The following ATR variants were observed in gnomAD, a reference collection of about 807,000 sequenced individuals.
The protein encoded by ATR is ATR checkpoint kinase.
A neutral mutation model predicts 305.3 loss-of-function variants in ATR; 142 were observed. The observed-to-expected ratio is 0.47, with a 90% CI of 0.41 to 0.53. The LOEUF (loss-of-function observed/expected upper bound fraction) is 0.53. Ranked by LOEUF, ATR falls within the 20% of genes least tolerant of loss-of-function variation. ATR has a pLI of 0.00. For synonymous variants in ATR, 1,050 were observed against 1,068.1 expected (o/e 0.98, Z 0.33); for missense variants, 2,135 against 3,133.1 (o/e 0.68, Z 7.60).
chr3:142,507,719 C>T (rs1010739463), intron 28 of ATR, among the ~76,000 whole-genome samples: 3 of 152,136 alleles, frequency 2.0e-5, no homozygotes, highest in African/African-American at 7.2e-5. Flanking sequence ...CATCTCCCAC[C>T]CTATTCCACA....
At chr3:142,467,215 C>A (rs1392786828) in intron 39 of ATR, among the ~76,000 whole-genome samples, 1 of 152,008 alleles carries the variant, frequency 6.6e-6, no homozygotes. Flanking sequence ...CTTCTCTCTC[C>A]CTCCTTATAA....
intron 3 of ATR, among the ~76,000 whole-genome samples, chr3:142,565,841 GAAGA>G (rs2035052469): frequency 6.7e-6 from 1 of 148,854 alleles, no homozygotes; most frequent in Non-Finnish European, 1.5e-5. Flanking sequence ...CTCTGATCTA[GAAGA>G]AAGAGATTAC....
chr3:142,560,307 C>A lies in ATR; in HGVS notation c.1497G>T (p.Leu499=). 6.2e-7 allele frequency: 1 copy of A among 1,613,894 alleles called. No homozygotes were observed. Among genetic ancestry groups the A allele is most frequent in the South Asian group, 1.1e-5 (1 of 91,058 alleles). ...AACAATGAACAGTACACAGAGCAGT[C>A]AGTTGTAAGACAACAGCAATTCCTT... ...MLEGIAVVLQ[L]TALCTVHCSH... The change falls in exon 6 of 47, where the codon CTG becomes CTT. Residue 499 remains leucine (L), a synonymous_variant. Coordinates refer to ENST00000350721, the MANE Select transcript of ATR (RefSeq NM_001184.4).
chr3:142,524,010 T>C lies in ATR; in HGVS notation c.4135A>G (p.Lys1379Glu), dbSNP rs995962169. ...LDFSTTETQG[K>E]DFTFVTGVED... ...CTACTTACCACAAATGTAAAATCTT[T>C]TCCTTGAGTTTCAGTTGTTGAGAAA... The change falls in exon 22 of 47, where the codon AAA becomes GAA. Residue 1379 changes from lysine to glutamate, a missense_variant. Physicochemically the swap from Lys to Glu is moderately conservative, Grantham distance 56. Coordinates refer to ENST00000350721, the MANE Select transcript of ATR (RefSeq NM_001184.4). The C allele has an allele frequency of 1.2e-6, 2 of 1,613,942 alleles. No homozygotes were observed. The highest frequency in any genetic ancestry group is 2.7e-5 in the African/African-American group (2 of 74,930).
intron 46 of ATR, chr3:142,452,035 T>C: frequency 9.6e-7 from 1 of 1,039,946 alleles, no homozygotes; most frequent in Non-Finnish European, 1.2e-6. Flanking sequence ...CTGGAAATAT[T>C]AATCTCACCC....
chr3:142,523,441 C>G (rs1000637246), intron 22 of ATR, among the ~76,000 whole-genome samples: 11 of 152,016 alleles, frequency 7.2e-5, no homozygotes, highest in African/African-American at 2.7e-4. Flanking sequence ...AAAATGTATA[C>G]ATAGCATCTC....
At chr3:142,546,566 G>A (rs1320407882) in intron 16 of ATR, among the ~76,000 whole-genome samples, 2 of 152,112 alleles carry the variant, frequency 1.3e-5, no homozygotes, top group Non-Finnish European at 2.9e-5. Flanking sequence ...CATTAAAGGA[G>A]AGAATGATGA....
At chr3:142,452,161 G>C in intron 46 of ATR, 4 of 1,014,728 alleles carry the variant, frequency 3.9e-6, no homozygotes, top group Non-Finnish European at 4.7e-6. Context: ...TGACATGAAG[G>C]ATGGGGGCGT....
At chr3:142,522,862 AG>A in intron 22 of ATR, 21 bp from the exon 23 acceptor site, 1 of 1,530,914 alleles carries the variant, frequency 6.5e-7, no homozygotes. Context: ...AAAAAAAAAA[AG>A]AAAATTCCAG....
intron 14 of ATR, 104 bp from the exon 15 acceptor site, chr3:142,549,777 G>T: frequency 9.7e-7 from 1 of 1,028,926 alleles, no homozygotes. Context: ...CACATATTTG[G>T]AGTCCACTCC....
At chr3:142,525,153 A>G (rs1026160457) in intron 21 of ATR, among the ~76,000 whole-genome samples, 3 of 152,202 alleles carry the variant, frequency 2.0e-5, no homozygotes, top group Non-Finnish European at 4.4e-5. Flanking sequence ...GTAATCAGTT[A>G]AAAGTAAAAC....
chr3:142,488,083 G>T (rs1328672356), intron 35 of ATR, among the ~76,000 whole-genome samples: 1 of 152,130 alleles, frequency 6.6e-6, no homozygotes, highest in African/African-American at 2.4e-5. Context: ...TTCAATCAAT[G>T]GAAGGTAGCA....
At chr3:142,507,010 A>G (rs757974259) in intron 28 of ATR, among the ~76,000 whole-genome samples, 1 of 152,228 alleles carries the variant, frequency 6.6e-6, no homozygotes, top group Non-Finnish European at 1.5e-5. Context: ...AACGGAGTAC[A>G]ACACAGTGGG....
Position 142,560,393 on chromosome 3 carries a change from C to G in ATR, c.1411G>C (p.Glu471Gln), listed in dbSNP as rs371350410. 2.0e-4 allele frequency: 330 copies of G among 1,613,816 alleles called. 3 individuals are homozygous for G. In the Middle Eastern group the frequency reaches 4.5e-3, roughly 22 times the overall value. The part of the protein sequence containing the change: ...ILWSALKQKA[E>Q]SLQISLEYSG... The stretch of plus-strand genomic sequence containing the variant: ...TATTCAAGGGAAATCTGAAGGGATT[C>G]AGCTTTCTGTTTCAGTGCACTCCAT... Residue 471 changes from glutamate to glutamine, a missense_variant, in exon 6 of 47, where the codon GAA becomes CAA. Glu to Gln is a conservative substitution (Grantham distance 29). This residue lies in a region of ATR where 744 missense variants were observed against 873.2 expected (regional missense o/e 0.85). Coordinates refer to ENST00000350721, the MANE Select transcript of ATR (RefSeq NM_001184.4).
chr3:142,457,538 A>G, intron 45 of ATR, 66 bp downstream of exon 45: 3 of 1,593,386 alleles, frequency 1.9e-6, no homozygotes, highest in Non-Finnish European at 2.6e-6. Flanking sequence ...AAAAACAAAC[A>G]TATGTAGGGG....
intron 23 of ATR, among the ~76,000 whole-genome samples, chr3:142,520,265 A>C (rs13066441): frequency 0.34 from 51,886 of 151,864 alleles, 9,389 homozygotes; most frequent in Middle Eastern, 0.44. Flanking sequence ...TTCCAAAGAC[A>C]TAAGAATATT....
intron 39 of ATR, 137 bp from the exon 40 acceptor site, chr3:142,466,670 T>A: frequency 1.3e-6 from 1 of 790,832 alleles, no homozygotes; most frequent in South Asian, 1.8e-5. Flanking sequence ...CATCCCATTT[T>A]AACCTCTGTC....
Position 142,549,684 on chromosome 3 carries a change from A to G in ATR, c.2977-11T>C. The stretch of plus-strand genomic sequence containing the variant: ...AACTTGTAATGTCCTCTGAAAAAGA[A>G]TGCAACAATTACCAAAAAGTACATT... On this transcript the variant is annotated splice_polypyrimidine_tract_variant and intron_variant, in intron 14 of 46. Transcript: ENST00000350721. 1 of 1,612,464 alleles carries G rather than the reference A, an allele frequency of 6.2e-7. No individual in the cohort carries two copies.
At chr3:142,553,517 C>T (rs2108463652) in intron 12 of ATR, 119 bp from the exon 13 acceptor site, 1 of 1,441,892 alleles carries the variant, frequency 6.9e-7, no homozygotes, top group South Asian at 1.2e-5. Flanking sequence ...CAAATAAATT[C>T]ATGTTGACTC....
Sources: gnomAD v4.1 joint callset for allele counts (sites outside exome capture counted in the v4.1 genomes callset) on GRCh38, gnomAD v4.1.1 for gene constraint, gnomAD v4.1.1 regional missense constraint, MANE v1.5 for transcripts, NCBI Gene and HGNC (gene_info 2026-07-23, HGNC 2026-07-21) for gene names.